Variants in FBXL7 observed in about 807,000 individuals in gnomAD.
FBXL7 encodes the protein F-box and leucine rich repeat protein 7.
FBXL7 carries 12 observed loss-of-function variants against 38.3 expected under a neutral mutation model. The observed-to-expected ratio is 0.31, with a 90% CI of 0.20 to 0.51. FBXL7 has a LOEUF of 0.51. FBXL7 is among the 20% of genes least tolerant of loss of function. FBXL7 has a pLI of 0.98. For synonymous variants in FBXL7, 297 were observed against 300.9 expected, an observed-to-expected ratio of 0.99 and a Z score of 0.13; for missense variants, 567 against 676.4, an observed-to-expected ratio of 0.84 and a Z score of 1.79.
At chr5:15,597,495 TAAAAAAAAA>T (rs35742221) in intron 1 of FBXL7, among the ~76,000 whole-genome samples, 3 of 114,896 alleles carry the variant, frequency 2.6e-5, no homozygotes, top group East Asian at 5.1e-4. Context: ...TATCATTTTG[TAAAAAAAAA>T]AAAAAAAAAA....
intron 1 of FBXL7, among the ~76,000 whole-genome samples, chr5:15,597,786 T>G (rs942206052): frequency 1.3e-5 from 2 of 152,190 alleles, no homozygotes; most frequent in Non-Finnish European, 2.9e-5. Context: ...TTACAATTAT[T>G]AATCAAGTCT....
chr5:15,809,030 A>G (rs1178696321), intron 2 of FBXL7, among the ~76,000 whole-genome samples: 1 of 152,180 alleles, frequency 6.6e-6, no homozygotes, highest in Non-Finnish European at 1.5e-5. Flanking sequence ...CCCTACTTTG[A>G]TTTTAAACCA....
chr5:15,596,754 A>C (rs1299289859), intron 1 of FBXL7, among the ~76,000 whole-genome samples: 1 of 152,156 alleles, frequency 6.6e-6, no homozygotes, highest in African/African-American at 2.4e-5. Flanking sequence ...CTATGTAATG[A>C]AGCCTCCATA....
intron 2 of FBXL7, among the ~76,000 whole-genome samples, chr5:15,697,056 C>CA (rs1743361056): frequency 6.6e-6 from 1 of 152,054 alleles, no homozygotes; most frequent in African/African-American, 2.4e-5. Context: ...AGTGCTTTTA[C>CA]AAAAAAGCAG....
intron 2 of FBXL7, among the ~76,000 whole-genome samples, chr5:15,674,644 AC>A (rs1030585986): frequency 2.0e-5 from 3 of 152,226 alleles, no homozygotes; most frequent in Non-Finnish European, 2.9e-5. Flanking sequence ...AACTAAAAAA[AC>A]ACGGAGACAA....
intron 2 of FBXL7, among the ~76,000 whole-genome samples, chr5:15,914,256 G>T (rs1741522757): frequency 6.6e-6 from 1 of 151,844 alleles, no homozygotes; most frequent in Non-Finnish European, 1.5e-5. Flanking sequence ...CGTGGTGGCG[G>T]GTGCCTGTAG....
intron 2 of FBXL7, among the ~76,000 whole-genome samples, chr5:15,793,105 G>GGAGGA (rs978513877): frequency 1.3e-5 from 2 of 152,156 alleles, no homozygotes; most frequent in African/African-American, 2.4e-5. Flanking sequence ...GCTGGCAGAT[G>GGAGGA]GAGGAGCCTT....
intron 1 of FBXL7, among the ~76,000 whole-genome samples, chr5:15,534,500 T>C (rs1033816074): frequency 6.6e-6 from 1 of 152,216 alleles, no homozygotes; most frequent in Non-Finnish European, 1.5e-5. Context: ...TGATAGCTCA[T>C]TTCTTTTTAG....
intron 2 of FBXL7, among the ~76,000 whole-genome samples, chr5:15,917,904 G>T (rs1053894891): frequency 6.6e-6 from 1 of 151,868 alleles, no homozygotes; most frequent in Non-Finnish European, 1.5e-5. Flanking sequence ...TGCTACTCTA[G>T]CTCAGGGATG....
intron 2 of FBXL7, among the ~76,000 whole-genome samples, chr5:15,772,344 G>A (rs901833097): frequency 6.6e-6 from 1 of 152,166 alleles, no homozygotes; most frequent in Admixed American, 6.5e-5. Context: ...CAGCAAGAAA[G>A]GTGAAGGCAG....
chr5:15,500,561 T>G lies in FBXL7; in HGVS notation c.-116T>G. ...CAGGCCGGAGGTCGGCCCCGGAGCTTGGGGGGGATGTGCAGCTAACGGTCC... is the reference window on the plus strand; with the variant it reads ...CAGGCCGGAGGTCGGCCCCGGAGCTGGGGGGGGATGTGCAGCTAACGGTCC... On this transcript the variant is annotated 5_prime_UTR_variant, in exon 1 of 4. Transcript: ENST00000504595. 14 of 1,417,902 alleles carry G rather than the reference T, an allele frequency of 9.9e-6. No individual in the cohort carries two copies. The highest frequency in any genetic ancestry group is 2.3e-5 in the South Asian group (2 of 87,268). 87.8% of individuals were successfully genotyped at this position (1,417,902 alleles called of 1,614,324 possible). A position where few individuals can be genotyped will look rare whatever the true frequency, so the allele number is the denominator to read the frequency against.
At chr5:15,800,796 C>T (rs1737543521) in intron 2 of FBXL7, among the ~76,000 whole-genome samples, 1 of 152,154 alleles carries the variant, frequency 6.6e-6, no homozygotes, top group African/African-American at 2.4e-5. Context: ...GGCCATAAGG[C>T]TAGTTACCTC....
At chr5:15,812,509 A>T (rs886446614) in intron 2 of FBXL7, among the ~76,000 whole-genome samples, 18 of 152,146 alleles carry the variant, frequency 1.2e-4, no homozygotes, top group African/African-American at 3.6e-4. Context: ...GTAAAATTTT[A>T]AAAAAATTTT....
chr5:15,517,029 T>G (rs1736961260), intron 1 of FBXL7, among the ~76,000 whole-genome samples: 1 of 152,032 alleles, frequency 6.6e-6, no homozygotes, highest in South Asian at 2.1e-4. Flanking sequence ...ATTTTTATTT[T>G]TTATTTTTAT....
chr5:15,896,081 A>G (rs1237261678), intron 2 of FBXL7, among the ~76,000 whole-genome samples: 9 of 149,036 alleles, frequency 6.0e-5, no homozygotes, highest in Non-Finnish European at 1.2e-4. Flanking sequence ...CTGGAGTGCA[A>G]TGGCAGGATC....
intron 1 of FBXL7, among the ~76,000 whole-genome samples, chr5:15,525,131 C>T (rs1737215373): frequency 6.6e-6 from 1 of 152,166 alleles, no homozygotes; most frequent in East Asian, 1.9e-4. Flanking sequence ...GAGTGCTTAG[C>T]TCATAGGGCA....
At chr5:15,763,072 A>G (rs1875215) in intron 2 of FBXL7, among the ~76,000 whole-genome samples, 79,726 of 152,004 alleles carry the variant, frequency 0.52, 21,491 homozygotes, top group East Asian at 0.67. Flanking sequence ...GGCTACATCT[A>G]GCGACCCTTC....
At chr5:15,831,811 C>T (rs778274999) in intron 2 of FBXL7, among the ~76,000 whole-genome samples, 45 of 152,080 alleles carry the variant, frequency 3.0e-4, no homozygotes, top group Non-Finnish European at 5.4e-4. Flanking sequence ...TCTTTTCTTT[C>T]GGAATGAAGA....
chr5:15,698,350 T>A (rs1040904628), intron 2 of FBXL7, among the ~76,000 whole-genome samples: 5 of 152,154 alleles, frequency 3.3e-5, no homozygotes, highest in Admixed American at 6.5e-5. Context: ...AGCATATGCA[T>A]GTGGGCATTG....
Sources: gnomAD v4.1 joint callset for allele counts (sites outside exome capture counted in the v4.1 genomes callset) on GRCh38, gnomAD v4.1.1 for gene constraint, MANE v1.5 for transcripts, NCBI Gene and HGNC (gene_info 2026-07-23, HGNC 2026-07-21) for gene names.